The following CCNYL1 variants were observed in gnomAD, a reference collection of about 807,000 sequenced individuals.
CCNYL1 encodes the protein cyclin-Y-like protein 1.
A neutral mutation model predicts 44.2 loss-of-function variants in CCNYL1; 16 were observed. The observed-to-expected ratio is 0.36, with a 90% CI of 0.25 to 0.55. The LOEUF (loss-of-function observed/expected upper bound fraction) is 0.55. CCNYL1 is among the 20% of genes least tolerant of loss of function. The pLI, the probability that CCNYL1 is intolerant of heterozygous loss-of-function variation, is 0.85. For synonymous variants in CCNYL1, 159 were observed against 163.2 expected, an observed-to-expected ratio of 0.97 and a Z score of 0.20; for missense variants, 348 against 451.8, an observed-to-expected ratio of 0.77 and a Z score of 2.08.
chr2:207,749,400 T>C (rs2105841495), intron 8 of CCNYL1, among the ~76,000 whole-genome samples: 1 of 152,204 alleles, frequency 6.6e-6, no homozygotes, highest in East Asian at 1.9e-4. Context: ...TGTTAGAATA[T>C]ATTTCCCTTT....
chr2:207,743,840 G>GTT (rs2091831324), intron 7 of CCNYL1, among the ~76,000 whole-genome samples: 1 of 151,956 alleles, frequency 6.6e-6, no homozygotes, highest in African/African-American at 2.4e-5. Context: ...GTTTTGTTTT[G>GTT]TTTTAATTTT....
chr2:207,744,046 C>A (rs776709180), intron 7 of CCNYL1, among the ~76,000 whole-genome samples: 2 of 151,978 alleles, frequency 1.3e-5, no homozygotes, highest in Non-Finnish European at 2.9e-5. Flanking sequence ...TGGTAAGTAG[C>A]AAGAAGATGA....
rs1054681184 is a variant in CCNYL1 at position 207,755,356 on chromosome 2, G to A, written c.*1658G>A. 1.3e-5 allele frequency: 2 copies of A among 152,172 alleles called. No individual in the cohort carries two copies. The highest frequency in any genetic ancestry group is 2.9e-5 in the Non-Finnish European group (2 of 68,040). 9.4% of individuals were successfully genotyped at this position (152,172 alleles called of 1,614,324 possible). A position where few individuals can be genotyped will look rare whatever the true frequency, so the allele number is the denominator to read the frequency against. ...GATCATGTCACTGCTCTCCAACCTG[G>A]GCGACATCCAGACCCTGTCTCAAAG... On this transcript the variant is annotated 3_prime_UTR_variant, in exon 10 of 10. Coordinates refer to ENST00000295414, the MANE Select transcript of CCNYL1 (RefSeq NM_001330218.2).
rs147691874 is a variant in CCNYL1, at chr2:207,716,106, A to G, written c.220+3990A>G. On this transcript the variant is annotated intron_variant, in intron 1 of 9. Transcript: ENST00000295414. ...ACGGTAGTATCAGTAACACAAAATA[A>G]GATACTAAGATCTTATTGTCCGATT... Among the ~76,000 whole-genome samples the G allele has an allele frequency of 2.9e-4, 44 of 152,346 alleles. No individual in the cohort carries two copies. The East Asian group carries it at 7.9e-3, about 27-fold the overall frequency.
chr2:207,723,684 T>C (rs1008736007), intron 1 of CCNYL1, among the ~76,000 whole-genome samples: 1 of 151,966 alleles, frequency 6.6e-6, no homozygotes, highest in Non-Finnish European at 1.5e-5. Context: ...GAGACGAGCC[T>C]GGCCAACATG....
At chr2:207,740,797 C>A in intron 6 of CCNYL1, 91 bp downstream of exon 6, 1 of 748,420 alleles carries the variant, frequency 1.3e-6, no homozygotes. Flanking sequence ...AACAAATATA[C>A]ATGATCTCTA....
chr2:207,727,210 T>C (rs2091686562), intron 3 of CCNYL1, among the ~76,000 whole-genome samples: 1 of 152,226 alleles, frequency 6.6e-6, no homozygotes, highest in Non-Finnish European at 1.5e-5. Flanking sequence ...TTTAGCACTA[T>C]ATGTTGACTT....
At chr2:207,741,555 T>A (rs2091809936) in intron 6 of CCNYL1, among the ~76,000 whole-genome samples, 1 of 152,042 alleles carries the variant, frequency 6.6e-6, no homozygotes, top group African/African-American at 2.4e-5. Flanking sequence ...GTCTTAGGAG[T>A]ACTTAGGCCA....
intron 1 of CCNYL1, among the ~76,000 whole-genome samples, chr2:207,723,397 A>G (rs987830593): frequency 6.6e-6 from 1 of 152,232 alleles, no homozygotes; most frequent in Non-Finnish European, 1.5e-5. Flanking sequence ...AGTTTTTAGT[A>G]TATCAATGTG....
intron 1 of CCNYL1, among the ~76,000 whole-genome samples, chr2:207,718,584 A>G (rs913640115): frequency 2.0e-5 from 3 of 152,208 alleles, no homozygotes; most frequent in East Asian, 1.9e-4. Flanking sequence ...ATAAATGCAG[A>G]TGATCCTTAA....
rs575222432 is a variant in CCNYL1 at position 207,721,692 on chromosome 2, A to G, written c.221-3108A>G. Among the ~76,000 whole-genome samples the G allele has an allele frequency of 6.6e-5, 10 of 152,306 alleles. No homozygotes were observed. The East Asian group carries it at 1.9e-3, about 29-fold the overall frequency. ...TACATAACCCCTAACCATGATATCAAAAACTATTTCTTCTAGTTTCAAACA... is the reference window on the plus strand; with the variant it reads ...TACATAACCCCTAACCATGATATCAGAAACTATTTCTTCTAGTTTCAAACA... On this transcript the variant is annotated intron_variant, in intron 1 of 9. Transcript: ENST00000295414.
chr2:207,727,424 T>C (rs1248375274), intron 3 of CCNYL1, among the ~76,000 whole-genome samples: 2 of 152,204 alleles, frequency 1.3e-5, no homozygotes, highest in African/African-American at 4.8e-5. Context: ...CTCTTAAATA[T>C]TTCTGAAATC....
At chr2:207,743,931 TAC>T (rs1016093006) in intron 7 of CCNYL1, among the ~76,000 whole-genome samples, 29 of 152,130 alleles carry the variant, frequency 1.9e-4, no homozygotes, top group Non-Finnish European at 1.9e-4. Flanking sequence ...GTGTTGGGAT[TAC>T]AGACGTGAGC....
At chr2:207,729,568 G>A (rs987100350) in intron 3 of CCNYL1, among the ~76,000 whole-genome samples, 2 of 152,094 alleles carry the variant, frequency 1.3e-5, no homozygotes, top group Non-Finnish European at 2.9e-5. Flanking sequence ...AAGGACATTG[G>A]AGGCCAAGCT....
Position 207,755,350 on chromosome 2 carries a change from A to G in CCNYL1, c.*1652A>G, listed in dbSNP as rs937801574. ...GGCCATGATCATGTCACTGCTCTCC[A>G]ACCTGGGCGACATCCAGACCCTGTC... On this transcript the variant is annotated 3_prime_UTR_variant, in exon 10 of 10. Coordinates refer to ENST00000295414, the MANE Select transcript of CCNYL1 (RefSeq NM_001330218.2). 46 of 152,370 alleles carry G rather than the reference A, an allele frequency of 3.0e-4. No individual in the cohort carries two copies. The highest frequency in any genetic ancestry group is 1.1e-3 in the African/African-American group (45 of 41,590). 9.4% of individuals were successfully genotyped at this position (152,370 alleles called of 1,614,324 possible). A position where few individuals can be genotyped will look rare whatever the true frequency, so the allele number is the denominator to read the frequency against.
At chr2:207,719,225 A>G in intron 1 of CCNYL1, among the ~76,000 whole-genome samples, 1 of 152,060 alleles carries the variant, frequency 6.6e-6, no homozygotes, top group Non-Finnish European at 1.5e-5. Flanking sequence ...AATAAATGCT[A>G]ACTGTTCACT....
intron 1 of CCNYL1, among the ~76,000 whole-genome samples, chr2:207,720,817 C>T (rs1461044629): frequency 2.0e-5 from 3 of 152,120 alleles, no homozygotes; most frequent in Admixed American, 6.6e-5. Flanking sequence ...AGCTCAGTCA[C>T]GATCACTAAA....
At chr2:207,741,147 T>G (rs2551966) in intron 6 of CCNYL1, among the ~76,000 whole-genome samples, 2 of 151,782 alleles carry the variant, frequency 1.3e-5, no homozygotes, top group Non-Finnish European at 2.9e-5. Flanking sequence ...CCCAGCTACT[T>G]GGGAGGCTGA....
Position 207,711,691 on chromosome 2 carries a change from G to GCCGAGGC in CCNYL1, c.-200_-194dup, listed in dbSNP as rs937481674. 1 of 158,040 alleles carries GCCGAGGC rather than the reference G, an allele frequency of 6.3e-6. No individual in the cohort carries two copies. Among genetic ancestry groups the GCCGAGGC allele is most frequent in the African/African-American group, 2.4e-5 (1 of 41,170 alleles). 9.8% of individuals were successfully genotyped at this position (158,040 alleles called of 1,614,324 possible). A position where few individuals can be genotyped will look rare whatever the true frequency, so the allele number is the denominator to read the frequency against. On this transcript the variant is annotated 5_prime_UTR_variant, in exon 1 of 10. Coordinates refer to ENST00000295414, the MANE Select transcript of CCNYL1 (RefSeq NM_001330218.2). ...GCGGCAGCGCGGCGGTGGGGGTGCGGCCGAGGCCCGAGCCCTGCCCGGGGC... is the reference window on the plus strand; with the variant it reads ...GCGGCAGCGCGGCGGTGGGGGTGCGGCCGAGGCCCGAGGCCCGAGCCCTGCCCGGGGC...
Sources: allele counts gnomAD v4.1 joint callset (sites outside exome capture counted in the v4.1 genomes callset), GRCh38; gene constraint gnomAD v4.1.1; transcripts MANE v1.5; gene names NCBI Gene and HGNC (gene_info 2026-07-23, HGNC 2026-07-21).